Variants in GRIK4 observed in about 807,000 individuals in gnomAD.
GRIK4 encodes the protein glutamate ionotropic receptor kainate type subunit 4.
In GRIK4, 40 loss-of-function variants were observed where a neutral mutation model predicts 104.9. That is an observed-to-expected ratio of 0.38 (90% CI 0.30 to 0.50). GRIK4 has a LOEUF of 0.50. Among genes scored for constraint, GRIK4 ranks in the 20% least tolerant of loss-of-function variants. GRIK4 has a pLI of 0.93. For missense variants in GRIK4, 1,047 were observed against 1,308.1 expected, an observed-to-expected ratio of 0.80 and a Z score of 3.08; for synonymous variants, 485 against 524.9, an observed-to-expected ratio of 0.92 and a Z score of 1.04.
intron 3 of GRIK4, among the ~76,000 whole-genome samples, chr11:120,710,518 C>T (rs1385286676): frequency 6.6e-6 from 1 of 152,166 alleles, no homozygotes; most frequent in Non-Finnish European, 1.5e-5. Context: ...GCATAACGGC[C>T]CCCCCATTCC....
chr11:120,543,574 C>G (rs999094194), intron 1 of GRIK4, among the ~76,000 whole-genome samples: 3 of 151,998 alleles, frequency 2.0e-5, no homozygotes, highest in African/African-American at 4.8e-5. Context: ...GACTCCATCT[C>G]AAAAGAAAAG....
At chr11:120,791,859 G>A (rs760413228) in intron 3 of GRIK4, among the ~76,000 whole-genome samples, 1 of 152,014 alleles carries the variant, frequency 6.6e-6, no homozygotes, top group Non-Finnish European at 1.5e-5. Context: ...CTGTACCTTT[G>A]TTAAAATCAG....
rs183181728 is a variant in GRIK4, at chr11:120,890,898, A to T, written c.1165-7634A>T. Reference sequence around the variant, plus strand: ...GCCTTGGGGTTACGGTGGCCTCCCTAGAAGAAGCTGGATCCTGGCACTGCT... The same window carrying T: ...GCCTTGGGGTTACGGTGGCCTCCCTTGAAGAAGCTGGATCCTGGCACTGCT... On this transcript the variant is annotated intron_variant, in intron 11 of 20. Coordinates refer to ENST00000527524, the MANE Select transcript of GRIK4 (RefSeq NM_014619.5). Among the ~76,000 whole-genome samples the T allele has an allele frequency of 3.9e-5, 6 of 152,334 alleles. No homozygotes were observed. In the East Asian group the frequency reaches 1.2e-3, roughly 29 times the overall value.
rs140927749 is a variant in GRIK4 at position 120,709,998 on chromosome 11, G to A, written c.82+49598G>A. Among the ~76,000 whole-genome samples the A allele has an allele frequency of 8.9e-4, 136 of 152,286 alleles. 1 individual carries two copies. The highest frequency in any genetic ancestry group is 1.8e-3 in the Non-Finnish European group (122 of 68,024). On this transcript the variant is annotated intron_variant, in intron 3 of 20. Transcript: ENST00000527524. ...GCTTTGGAAACCAAGAAGCAGCCAC[G>A]CACATACAAAGCATCGTGATTCATA... is the stretch of plus-strand genomic sequence containing the variant.
At chr11:120,810,746 C>CT (rs1313587587) in intron 4 of GRIK4, among the ~76,000 whole-genome samples, 1 of 152,222 alleles carries the variant, frequency 6.6e-6, no homozygotes, top group African/African-American at 2.4e-5. Context: ...ATATATGCTT[C>CT]TTCATTAATG....
At chr11:120,634,933 C>A (rs927328830) in intron 1 of GRIK4, among the ~76,000 whole-genome samples, 2 of 152,194 alleles carry the variant, frequency 1.3e-5, no homozygotes, top group South Asian at 2.1e-4. Flanking sequence ...ATGCGAACGT[C>A]CCCCTTGCAC....
chr11:120,700,807 G>T (rs1950540585), intron 3 of GRIK4, among the ~76,000 whole-genome samples: 1 of 152,144 alleles, frequency 6.6e-6, no homozygotes, highest in Non-Finnish European at 1.5e-5. Context: ...GGCCAGGCTG[G>T]TGTCGAACTT....
intron 9 of GRIK4, chr11:120,872,147 G>A: frequency 3.0e-6 from 1 of 333,026 alleles, no homozygotes; most frequent in South Asian, 2.5e-5. Context: ...GCTGTCTTCT[G>A]ACGCTGGCAG....
At chr11:120,540,055 T>TA (rs927987961) in intron 1 of GRIK4, among the ~76,000 whole-genome samples, 2 of 152,034 alleles carry the variant, frequency 1.3e-5, no homozygotes, top group Admixed American at 1.3e-4. Flanking sequence ...AGCATGTATA[T>TA]AAATGACAAG....
chr11:120,545,546 G>T (rs1411722922), intron 1 of GRIK4, among the ~76,000 whole-genome samples: 6 of 152,294 alleles, frequency 3.9e-5, no homozygotes, highest in Non-Finnish European at 8.8e-5. Context: ...ATTCTTTTGT[G>T]TATGAGGAAA....
chr11:120,633,732 G>A (rs1949360439), intron 1 of GRIK4, among the ~76,000 whole-genome samples: 1 of 152,206 alleles, frequency 6.6e-6, no homozygotes, highest in African/African-American at 2.4e-5. Context: ...GAGAGGCTGG[G>A]AGGGGAAGGG....
intron 1 of GRIK4, among the ~76,000 whole-genome samples, chr11:120,512,308 C>T (rs1227875366): frequency 6.6e-6 from 1 of 151,674 alleles, no homozygotes; most frequent in Non-Finnish European, 1.5e-5. Flanking sequence ...CAGCCTGGCG[C>T]GTCTCCCCTA....
intron 1 of GRIK4, among the ~76,000 whole-genome samples, chr11:120,516,935 C>CTAGGATTGCTGCCTCG (rs879830172): frequency 6.7e-6 from 1 of 149,908 alleles, no homozygotes; most frequent in Admixed American, 6.6e-5. Flanking sequence ...CGTTCCTGGG[C>CTAGGATTGCTGCCTCG]AGCAGCCACT....
intron 3 of GRIK4, among the ~76,000 whole-genome samples, chr11:120,693,075 T>C (rs1950392132): frequency 6.6e-6 from 1 of 151,722 alleles, no homozygotes; most frequent in Admixed American, 6.6e-5. Context: ...GAGGCTGTCT[T>C]GGCAATTTAC....
chr11:120,960,416 A>T (rs1944263128), intron 16 of GRIK4, among the ~76,000 whole-genome samples: 1 of 152,224 alleles, frequency 6.6e-6, no homozygotes, highest in Non-Finnish European at 1.5e-5. Flanking sequence ...AAATTGGGAT[A>T]AGAATTTTGC....
intron 13 of GRIK4, among the ~76,000 whole-genome samples, chr11:120,924,931 G>C (rs1943309210): frequency 1.3e-5 from 2 of 152,344 alleles, no homozygotes; most frequent in South Asian, 2.1e-4. Flanking sequence ...GCCCTTTGCA[G>C]TGGTTTCAAC....
intron 1 of GRIK4, among the ~76,000 whole-genome samples, chr11:120,625,488 C>T (rs528961696): frequency 1.2e-4 from 18 of 152,288 alleles, no homozygotes; most frequent in African/African-American, 4.3e-4. Context: ...CCCTCCTGAG[C>T]TTCATTTTGG....
Position 120,982,041 on chromosome 11 carries a change from T to G in GRIK4, c.2396-65T>G, listed in dbSNP as rs1944661214. ...CTTGTTTGAATGATTTTAGTATTTTTGATAAAATGATTGTGTCTTCCTGAT... is the reference window on the plus strand; with the variant it reads ...CTTGTTTGAATGATTTTAGTATTTTGGATAAAATGATTGTGTCTTCCTGAT... On this transcript the variant is annotated intron_variant, in intron 19 of 20. Coordinates refer to ENST00000527524, the MANE Select transcript of GRIK4 (RefSeq NM_014619.5). 7.4e-6 allele frequency: 8 copies of G among 1,082,168 alleles called. No homozygotes were observed. The South Asian group carries it at 1.0e-4, about 14-fold the overall frequency. The allele number at this position is 1,082,168 out of a possible 1,614,324, so 67.0% of individuals were successfully genotyped here. A position where few individuals can be genotyped will look rare whatever the true frequency, so the allele number is the denominator to read the frequency against.
At position 120,940,694 on chromosome 11, in the gene GRIK4, T is replaced by C. The variant is rs1476189331; in HGVS notation, c.1590+234T>C. Among the ~76,000 whole-genome samples the C allele has an allele frequency of 6.6e-6, 1 of 152,244 alleles. No homozygotes were observed. The highest frequency in any genetic ancestry group is 1.5e-5 in the Non-Finnish European group (1 of 68,042). Reference sequence around the variant, plus strand: ...TTACTTCTGCCTCTCTGAATAGCGATGACCAAGAATGGTCATTCAATACTT... The same window carrying C: ...TTACTTCTGCCTCTCTGAATAGCGACGACCAAGAATGGTCATTCAATACTT... On this transcript the variant is annotated intron_variant, in intron 14 of 20. Transcript: ENST00000527524. This position sits in a 1 kb window ranked among gnomAD's most constrained non-coding sequence, Gnocchi z 4.3.
Sources: allele counts gnomAD v4.1 joint callset (sites outside exome capture counted in the v4.1 genomes callset), GRCh38; gene constraint gnomAD v4.1.1; non-coding constraint Gnocchi (gnomAD v3.1); transcripts MANE v1.5; gene names NCBI Gene and HGNC (gene_info 2026-07-23, HGNC 2026-07-21).